Variants in LRFN5 observed in about 807,000 individuals in gnomAD.
The protein encoded by LRFN5 is leucine-rich repeat and fibronectin type-III domain-containing protein 5.
Under a neutral mutation model 45.6 loss-of-function variants are expected in LRFN5, and 24 were observed. The ratio of observed to expected loss-of-function variants is 0.53; its 90% CI spans 0.38 to 0.74. The LOEUF (loss-of-function observed/expected upper bound fraction) is 0.74, where lower values mean the gene tolerates loss of function less well. LRFN5 is among the 30% of genes least tolerant of loss of function. The pLI is 0.00. For synonymous variants in LRFN5, 340 were observed against 313.8 expected, an observed-to-expected ratio of 1.08 and a Z score of -0.88; for missense variants, 776 against 861.5, an observed-to-expected ratio of 0.90 and a Z score of 1.24.
At chr14:41,694,686 G>T (rs1470632898) in intron 1 of LRFN5, among the ~76,000 whole-genome samples, 2 of 151,780 alleles carry the variant, frequency 1.3e-5, no homozygotes, top group East Asian at 1.9e-4. Context: ...CCAACAGTAT[G>T]TGTTCACTTC....
At chr14:41,702,032 G>A (rs573986030) in intron 1 of LRFN5, among the ~76,000 whole-genome samples, 37 of 152,248 alleles carry the variant, frequency 2.4e-4, no homozygotes, top group Admixed American at 8.5e-4. Context: ...AGCAATATTA[G>A]AAATAGGAGA....
intron 2 of LRFN5, among the ~76,000 whole-genome samples, chr14:41,791,964 C>G (rs533936961): frequency 2.8e-4 from 43 of 152,192 alleles, no homozygotes; most frequent in African/African-American, 9.1e-4. Context: ...ATTTATTATG[C>G]TTTTGCAGCA....
At chr14:41,878,722 G>T (rs930264434) in intron 2 of LRFN5, among the ~76,000 whole-genome samples, 4 of 152,082 alleles carry the variant, frequency 2.6e-5, no homozygotes, top group Non-Finnish European at 5.9e-5. Flanking sequence ...GAAATAGACA[G>T]ATCGTGCTTG....
chr14:41,871,557 C>G (rs1019987508), intron 2 of LRFN5, among the ~76,000 whole-genome samples: 10 of 150,568 alleles, frequency 6.6e-5, no homozygotes, highest in Non-Finnish European at 1.5e-4. Context: ...CCATTGCACT[C>G]CATCCTAGGC....
At chr14:41,879,031 T>G (rs1389828799) in intron 2 of LRFN5, among the ~76,000 whole-genome samples, 1 of 152,100 alleles carries the variant, frequency 6.6e-6, no homozygotes, top group Non-Finnish European at 1.5e-5. Flanking sequence ...TATATGATTT[T>G]TTTTTCATTA....
chr14:41,633,923 T>G (rs1186800293), intron 1 of LRFN5, among the ~76,000 whole-genome samples: 1 of 152,128 alleles, frequency 6.6e-6, no homozygotes, highest in Admixed American at 6.6e-5. Context: ...CCAATTAGTG[T>G]GACTCAATTG....
chr14:41,642,547 T>G (rs1879628212), intron 1 of LRFN5, among the ~76,000 whole-genome samples: 1 of 152,160 alleles, frequency 6.6e-6, no homozygotes, highest in Non-Finnish European at 1.5e-5. Flanking sequence ...TCCTCATTGT[T>G]ATTTAGTTTC....
At chr14:41,856,675 A>ATTTTTTTTTT in intron 2 of LRFN5, among the ~76,000 whole-genome samples, 71 of 18,316 alleles carry the variant, frequency 3.9e-3, no homozygotes, top group South Asian at 0.01. Context: ...TATTATTATT[A>ATTTTTTTTTT]TTTTTTTTTT....
In LRFN5 at chr14:41,687,055, C is replaced by T. The variant is rs183930536; in HGVS notation, c.-197+78493C>T. Reference sequence around the variant, plus strand: ...AAAGTTACCAGCACATGAGAGTGAACAGGCAACCTACAGAATGGGAGAAAT... The same window carrying T: ...AAAGTTACCAGCACATGAGAGTGAATAGGCAACCTACAGAATGGGAGAAAT... On this transcript the variant is annotated intron_variant, in intron 1 of 5. Transcript: ENST00000298119. Among the ~76,000 whole-genome samples the T allele has an allele frequency of 1.1e-3, 162 of 152,178 alleles. 1 individual carries two copies. The highest frequency in any genetic ancestry group is 1.3e-3 in the Non-Finnish European group (89 of 67,982).
chr14:41,753,086 C>T (rs1885210269), intron 1 of LRFN5, among the ~76,000 whole-genome samples: 4 of 152,176 alleles, frequency 2.6e-5, no homozygotes, highest in African/African-American at 9.6e-5. Context: ...AGATATGCGG[C>T]ATTATTTCTG....
chr14:41,718,823 G>A (rs989857837), intron 1 of LRFN5, among the ~76,000 whole-genome samples: 2 of 152,170 alleles, frequency 1.3e-5, no homozygotes, highest in Non-Finnish European at 2.9e-5. Flanking sequence ...ACTGGTGATA[G>A]GTACTGCTTT....
chr14:41,851,368 TTATAA>T (rs146013133), intron 2 of LRFN5, among the ~76,000 whole-genome samples: 13,021 of 151,222 alleles, frequency 0.086, 669 homozygotes, highest in Middle Eastern at 0.18. Context: ...TAGAGTAATA[TTATAA>T]TATACTGATT....
intron 5 of LRFN5, among the ~76,000 whole-genome samples, chr14:41,902,942 A>C (rs1157401787): frequency 1.3e-5 from 2 of 151,638 alleles, no homozygotes; most frequent in Non-Finnish European, 3.0e-5. Context: ...TTTTACAGTG[A>C]TTTTGCAATG....
rs199848418 is a variant in LRFN5, at chr14:41,640,095, C to T, written c.-197+31533C>T. On this transcript the variant is annotated intron_variant, in intron 1 of 5. Transcript: ENST00000298119. Reference sequence around the variant, plus strand: ...AATTACAGGTGTGAGTCACTATGCCCAGCCCATATTCTTTAATCGGGCCAT... The same window carrying T: ...AATTACAGGTGTGAGTCACTATGCCTAGCCCATATTCTTTAATCGGGCCAT... Among the ~76,000 whole-genome samples, 36 of 151,602 alleles carry T rather than the reference C, an allele frequency of 2.4e-4. No individual in the cohort carries two copies. In the East Asian group the frequency reaches 5.6e-3, roughly 24 times the overall value.
At position 41,710,851 on chromosome 14, in the gene LRFN5, C is replaced by A. The variant is rs577652378; in HGVS notation, c.-196-56003C>A. 4.0e-5 allele frequency among the ~76,000 whole-genome samples: 6 copies of A among 151,632 alleles called. No individual in the cohort carries two copies. In the South Asian group the frequency reaches 1.0e-3, roughly 26 times the overall value. On this transcript the variant is annotated intron_variant, in intron 1 of 5. Transcript: ENST00000298119. ...GTTCTCATTGTTCAATTCCCACCTA[C>A]GAGTGAGAACATGTGGTGTTTGGCT...
intron 1 of LRFN5, among the ~76,000 whole-genome samples, chr14:41,694,432 C>G (rs1342880278): frequency 6.6e-6 from 1 of 151,874 alleles, no homozygotes; most frequent in African/African-American, 2.4e-5. Context: ...TTCTACAAAT[C>G]GTGCAGTATT....
chr14:41,865,672 T>C (rs968696162), intron 2 of LRFN5, among the ~76,000 whole-genome samples: 2 of 152,220 alleles, frequency 1.3e-5, no homozygotes, highest in Non-Finnish European at 2.9e-5. Context: ...TACACATATT[T>C]GCATTTGCAA....
At chr14:41,643,565 T>C (rs1038488357) in intron 1 of LRFN5, among the ~76,000 whole-genome samples, 4 of 152,174 alleles carry the variant, frequency 2.6e-5, no homozygotes, top group Non-Finnish European at 5.9e-5. Context: ...TTCAAGATTC[T>C]GGCTCTATCT....
chr14:41,849,528 T>A (rs1182377652), intron 2 of LRFN5, among the ~76,000 whole-genome samples: 1 of 151,960 alleles, frequency 6.6e-6, no homozygotes, highest in Non-Finnish European at 1.5e-5. Flanking sequence ...TGAACATCCA[T>A]TTGCTCACCT....
Sources: gnomAD v4.1 joint callset for allele counts (sites outside exome capture counted in the v4.1 genomes callset) on GRCh38, gnomAD v4.1.1 for gene constraint, MANE v1.5 for transcripts, NCBI Gene and HGNC (gene_info 2026-07-23, HGNC 2026-07-21) for gene names.